The following IPCEF1 variants were observed in gnomAD, a reference collection of about 807,000 sequenced individuals.
IPCEF1 encodes the protein interactor protein for cytohesin exchange factors 1.
A neutral mutation model predicts 50.9 loss-of-function variants in IPCEF1; 31 were observed. The ratio of observed to expected loss-of-function variants is 0.61; its 90% CI spans 0.46 to 0.82. The LOEUF (loss-of-function observed/expected upper bound fraction) is 0.82, where lower values mean the gene tolerates loss of function less well. IPCEF1 is among the 40% of genes least tolerant of loss of function. The probability of loss-of-function intolerance (pLI) is 0.00; values close to 1 mark genes in which losing one functional copy is unlikely to be tolerated. For missense variants in IPCEF1, 458 were observed against 514.0 expected, an observed-to-expected ratio of 0.89 and a Z score of 1.05; for synonymous variants, 181 against 192.0, an observed-to-expected ratio of 0.94 and a Z score of 0.47.
Position 154,199,928 on chromosome 6 carries a change from T to C in IPCEF1, c.650A>G (p.Lys217Arg). 1 of 1,614,172 alleles carries C rather than the reference T, an allele frequency of 6.2e-7. No individual in the cohort carries two copies. The highest frequency in any genetic ancestry group is 8.5e-7 in the Non-Finnish European group (1 of 1,180,028). The change falls in exon 10 of 12, where the codon AAA (lysine) becomes AGA (arginine). Residue 217 changes from lysine to arginine, a missense_variant. Coordinates refer to ENST00000367220, the MANE Select transcript of IPCEF1 (RefSeq NM_001130700.2). The stretch of plus-strand genomic sequence containing the variant: ...TGTGTCAGGCAAGGATTGTCTCTCT[T>C]TAGATAAGGAGGAAGGAAAACTGCT... The part of the protein sequence containing the change: ...TPSSFPSSLS[K>R]ERQSLPDTVN...
chr6:154,178,099 T>C (rs1800505916), intron 10 of IPCEF1, among the ~76,000 whole-genome samples: 1 of 117,238 alleles, frequency 8.5e-6, no homozygotes, highest in African/African-American at 3.4e-5. Context: ...TGAGGACACA[T>C]GGACACAGGG....
intron 3 of IPCEF1, among the ~76,000 whole-genome samples, chr6:154,262,418 T>C (rs1781624182): frequency 6.6e-6 from 1 of 152,242 alleles, no homozygotes; most frequent in Admixed American, 6.5e-5. Context: ...GTAGAGACTT[T>C]AACTTGTCCA....
At chr6:154,182,166 G>T (rs1321132212) in intron 10 of IPCEF1, among the ~76,000 whole-genome samples, 1 of 152,174 alleles carries the variant, frequency 6.6e-6, no homozygotes, top group Non-Finnish European at 1.5e-5. Flanking sequence ...TTTTACTTGT[G>T]CTCTCATGAA....
Position 154,295,114 on chromosome 6 carries a change from C to T in IPCEF1, c.-61-5358G>A, listed in dbSNP as rs190401195. On this transcript the variant is annotated intron_variant, in intron 1 of 11. Transcript: ENST00000367220. ...TCGGGAAGCTGAGGCGGAAGAATGG[C>T]GTGAAACCAGGAGGCGGGGATTGCA... is the stretch of plus-strand genomic sequence containing the variant. Among the ~76,000 whole-genome samples, 571 of 151,990 alleles carry T rather than the reference C, an allele frequency of 3.8e-3. 4 individuals are homozygous for T. Among genetic ancestry groups the T allele is most frequent in the African/African-American group, 0.013 (553 of 41,450 alleles).
intron 1 of IPCEF1, among the ~76,000 whole-genome samples, chr6:154,327,464 A>G (rs1297278709): frequency 1.3e-5 from 2 of 152,244 alleles, no homozygotes; most frequent in Non-Finnish European, 2.9e-5. Context: ...CATATGGGGA[A>G]AAAAAGCTCA....
chr6:154,274,737 C>T (rs1200773218), intron 2 of IPCEF1, among the ~76,000 whole-genome samples: 2 of 152,134 alleles, frequency 1.3e-5, no homozygotes, highest in East Asian at 1.9e-4. Context: ...AGAGACCAGC[C>T]GTGGGCCACA....
At chr6:154,343,909 T>C (rs1286038771) in intron 1 of IPCEF1, among the ~76,000 whole-genome samples, 1 of 152,218 alleles carries the variant, frequency 6.6e-6, no homozygotes, top group Non-Finnish European at 1.5e-5. Context: ...CCCCGTGGTG[T>C]GCCTGGCAGC....
intron 1 of IPCEF1, among the ~76,000 whole-genome samples, chr6:154,314,255 A>G (rs563767976): frequency 6.6e-6 from 1 of 152,346 alleles, no homozygotes; most frequent in South Asian, 2.1e-4. Flanking sequence ...AGAAACTGAG[A>G]ACAGATTCGG....
At chr6:154,304,340 G>A (rs1356526541) in intron 1 of IPCEF1, among the ~76,000 whole-genome samples, 3 of 152,098 alleles carry the variant, frequency 2.0e-5, no homozygotes, top group African/African-American at 4.8e-5. Context: ...TATAGTATTC[G>A]TGCCAATTTT....
At position 154,158,253 on chromosome 6, in the gene IPCEF1, A is replaced by ATTTG. The variant is rs1798792849; in HGVS notation, c.*1571_*1574dup. ...TAAAACAAAATAGGTTGTGTGAACA[A>ATTTG]TTTGTTACGGGTAGGCAGGGCCAAC... On this transcript the variant is annotated 3_prime_UTR_variant, in exon 12 of 12. Coordinates refer to ENST00000367220, the MANE Select transcript of IPCEF1 (RefSeq NM_001130700.2). 2 of 152,176 alleles carry ATTTG rather than the reference A, an allele frequency of 1.3e-5. No individual in the cohort carries two copies. The highest frequency in any genetic ancestry group is 4.1e-4 in the South Asian group (2 of 4,834). 9.4% of individuals were successfully genotyped at this position (152,176 alleles called of 1,614,324 possible). A position where few individuals can be genotyped will look rare whatever the true frequency, so the allele number is the denominator to read the frequency against.
chr6:154,164,550 C>T lies in IPCEF1; in HGVS notation c.1104+3370G>A, dbSNP rs187484757. Among the ~76,000 whole-genome samples the T allele has an allele frequency of 5.9e-5, 9 of 152,316 alleles. No homozygotes were observed. The South Asian group carries it at 6.2e-4, about 11-fold the overall frequency. On this transcript the variant is annotated intron_variant, in intron 11 of 11. Transcript: ENST00000367220. Reference sequence around the variant, plus strand: ...GGCTTTGAACTACTTTCACAACATCCGCTCTGCTTTCTGGCAGGCAAGCAA... The same window carrying T: ...GGCTTTGAACTACTTTCACAACATCTGCTCTGCTTTCTGGCAGGCAAGCAA...
chr6:154,262,279 G>A (rs1781620314), intron 3 of IPCEF1, among the ~76,000 whole-genome samples: 1 of 152,218 alleles, frequency 6.6e-6, no homozygotes, highest in Non-Finnish European at 1.5e-5. Context: ...TTGTACACAA[G>A]ACCAAGGGAA....
At position 154,318,133 on chromosome 6, in the gene IPCEF1, AG is replaced by A. The variant is rs1189286281; in HGVS notation, c.-61-28378del. The stretch of plus-strand genomic sequence containing the variant: ...CAACTTTGCTATGAAGTTCTGGAAC[AG>A]GCAAGACTAACCTTTGGAGAAAGAA... On this transcript the variant is annotated intron_variant, in intron 1 of 11. Transcript: ENST00000367220. Among the ~76,000 whole-genome samples, 5 of 152,222 alleles carry A rather than the reference AG, an allele frequency of 3.3e-5. No individual in the cohort carries two copies. The East Asian group carries it at 9.6e-4, about 29-fold the overall frequency.
intron 7 of IPCEF1, 143 bp from the exon 8 acceptor site, chr6:154,214,419 C>G (rs1438069114): frequency 2.4e-5 from 17 of 696,916 alleles, no homozygotes; most frequent in Non-Finnish European, 4.2e-5. Context: ...TTTGTGCCAT[C>G]GAAACCTAAG....
At chr6:154,315,072 A>G (rs901781680) in intron 1 of IPCEF1, among the ~76,000 whole-genome samples, 5 of 152,086 alleles carry the variant, frequency 3.3e-5, no homozygotes, top group Non-Finnish European at 7.4e-5. Flanking sequence ...TAGTAGAGAC[A>G]GGATTTCACC....
At chr6:154,339,822 A>G (rs1783869614) in intron 1 of IPCEF1, among the ~76,000 whole-genome samples, 1 of 151,662 alleles carries the variant, frequency 6.6e-6, no homozygotes, top group Non-Finnish European at 1.5e-5. Flanking sequence ...CGTCTGGAAC[A>G]CTTGGGCTCA....
intron 9 of IPCEF1, among the ~76,000 whole-genome samples, chr6:154,200,369 A>G (rs4870273): frequency 0.35 from 52,871 of 152,090 alleles, 9,579 homozygotes; most frequent in Middle Eastern, 0.48. Flanking sequence ...CACTTTGAGC[A>G]AAATATAATT....
chr6:154,347,179 C>G (rs1250868964), intron 1 of IPCEF1, among the ~76,000 whole-genome samples: 2 of 152,206 alleles, frequency 1.3e-5, no homozygotes, highest in Non-Finnish European at 2.9e-5. Flanking sequence ...GGTGGACAAG[C>G]ACAAAGCAAC....
At chr6:154,276,309 G>A (rs2128661214) in intron 2 of IPCEF1, among the ~76,000 whole-genome samples, 1 of 122,082 alleles carries the variant, frequency 8.2e-6, no homozygotes, top group Non-Finnish European at 1.7e-5. Flanking sequence ...AAAAGAGGAA[G>A]GGAAGGAGGG....
Sources: gnomAD v4.1 joint callset for allele counts (sites outside exome capture counted in the v4.1 genomes callset) on GRCh38, gnomAD v4.1.1 for gene constraint, MANE v1.5 for transcripts, NCBI Gene and HGNC (gene_info 2026-07-23, HGNC 2026-07-21) for gene names.